The following NDUFA10 variants were observed in gnomAD, a reference collection of about 807,000 sequenced individuals.
NDUFA10 encodes the protein NADH:ubiquinone oxidoreductase subunit A10, also known as NADH dehydrogenase [ubiquinone] 1 alpha subcomplex subunit 10, mitochondrial.
Under a neutral mutation model 47.8 loss-of-function variants are expected in NDUFA10, and 40 were observed. The ratio of observed to expected loss-of-function variants is 0.84; its 90% CI spans 0.65 to 1.09. NDUFA10 has a LOEUF of 1.09. Ranked by LOEUF, NDUFA10 falls within the 50% of genes least tolerant of loss-of-function variation. NDUFA10 has a pLI of 0.00. For synonymous variants in NDUFA10, 183 were observed against 172.2 expected, an observed-to-expected ratio of 1.06 and a Z score of -0.49; for missense variants, 413 against 451.1, an observed-to-expected ratio of 0.92 and a Z score of 0.76.
At chr2:239,993,385 G>A (rs1696331248) in intron 8 of NDUFA10, among the ~76,000 whole-genome samples, 1 of 152,192 alleles carries the variant, frequency 6.6e-6, no homozygotes, top group Admixed American at 6.5e-5. Flanking sequence ...GTTAAGGGAA[G>A]GTGTCAGGGA....
chr2:239,976,191 G>A (rs1695509585), intron 9 of NDUFA10, among the ~76,000 whole-genome samples: 1 of 152,280 alleles, frequency 6.6e-6, no homozygotes, highest in Non-Finnish European at 1.5e-5. Context: ...AATGTGCAAT[G>A]CCCTCTGACT....
rs1362175600 is a variant in NDUFA10, at chr2:239,957,720, C to G, written c.*3398G>C. On this transcript the variant is annotated 3_prime_UTR_variant, in exon 10 of 10. Coordinates refer to ENST00000252711, the MANE Select transcript of NDUFA10 (RefSeq NM_004544.4). ...CACTTTCAGTGGAACATTTATGGCT[C>G]TGAGAACAGCACCACTCTTTTGGGG... 2 of 152,202 alleles carry G rather than the reference C, an allele frequency of 1.3e-5. No homozygotes were observed. The highest frequency in any genetic ancestry group is 4.8e-5 in the African/African-American group (2 of 41,450). The allele number at this position is 152,202 out of a possible 1,614,324, so 9.4% of individuals were successfully genotyped here. A position where few individuals can be genotyped will look rare whatever the true frequency, so the allele number is the denominator to read the frequency against.
At chr2:240,015,270 A>G (rs1018848971) in intron 4 of NDUFA10, among the ~76,000 whole-genome samples, 1 of 152,258 alleles carries the variant, frequency 6.6e-6, no homozygotes, top group Non-Finnish European at 1.5e-5. Flanking sequence ...TCCTGAGGCA[A>G]GACGTAGGTC....
rs148942940 is a variant in NDUFA10 at position 239,898,354 on chromosome 2, T to C, written c.295-3040A>G. Among the ~76,000 whole-genome samples the C allele has an allele frequency of 5.4e-3, 830 of 152,346 alleles. 3 individuals carry two copies. Among genetic ancestry groups the C allele is most frequent in the Non-Finnish European group, 8.9e-3 (605 of 68,034 alleles). On this transcript the variant is annotated intron_variant, in intron 4 of 5. Transcript: ENST00000419408. ...TGCTCAGCCTGCGCCCGGGGCTGTT[T>C]GGAGGAGGCGCTGCCCCTGCCTGCC...
intron 8 of NDUFA10, among the ~76,000 whole-genome samples, chr2:239,996,234 G>C (rs1696473009): frequency 6.6e-6 from 1 of 150,540 alleles, no homozygotes. Context: ...AGCAACAGCA[G>C]AATCTACACT....
At chr2:239,894,857 T>A (rs1169212129) in intron 5 of NDUFA10, among the ~76,000 whole-genome samples, 1 of 152,144 alleles carries the variant, frequency 6.6e-6, no homozygotes, top group Non-Finnish European at 1.5e-5. Flanking sequence ...GGAGCCCTCT[T>A]CCATGATGAA....
intron 4 of NDUFA10, among the ~76,000 whole-genome samples, chr2:239,911,888 G>C (rs190735818): frequency 6.6e-6 from 1 of 152,044 alleles, no homozygotes; most frequent in African/African-American, 2.4e-5. Flanking sequence ...TCAAGGAAGT[G>C]GGGGAGGCAC....
chr2:239,976,241 T>C (rs977832124), intron 9 of NDUFA10, among the ~76,000 whole-genome samples: 4 of 152,208 alleles, frequency 2.6e-5, no homozygotes, highest in African/African-American at 9.7e-5. Flanking sequence ...TCATGCCTGC[T>C]GTAACCCCCA....
At chr2:239,916,084 A>G (rs1559278590) in intron 4 of NDUFA10, among the ~76,000 whole-genome samples, 2 of 151,500 alleles carry the variant, frequency 1.3e-5, no homozygotes, top group Non-Finnish European at 2.9e-5. Context: ...ACACAAAGAT[A>G]CAGATACACA....
chr2:240,009,051 G>A (rs1697046829), intron 6 of NDUFA10, among the ~76,000 whole-genome samples: 1 of 152,184 alleles, frequency 6.6e-6, no homozygotes, highest in Non-Finnish European at 1.5e-5. Context: ...AACCTCAATG[G>A]TGGTTATTCC....
At chr2:239,954,579 C>A (rs950416829), downstream of NDUFA10, among the ~76,000 whole-genome samples, 6 of 152,212 alleles carry the variant, frequency 3.9e-5, no homozygotes, top group African/African-American at 9.7e-5. Flanking sequence ...TACTGCTGAG[C>A]CTTTCACTTT....
chr2:239,994,856 G>A (rs1696402226), intron 8 of NDUFA10, among the ~76,000 whole-genome samples: 1 of 152,174 alleles, frequency 6.6e-6, no homozygotes, highest in African/African-American at 2.4e-5. Flanking sequence ...GGAACTTCCA[G>A]CTTCAGCTCC....
intron 4 of NDUFA10, among the ~76,000 whole-genome samples, chr2:239,898,943 GGGTGTGGAGGGGTGTGGCAGGGTGT>G (rs1693456860): frequency 2.2e-5 from 3 of 138,618 alleles, no homozygotes; most frequent in Admixed American, 1.4e-4. Context: ...TGTGACGGAG[GGGTGTGGAGGGGTGTGGCAGGGTGT>G]GATGAAGAGG....
At chr2:240,018,416 C>A (rs1015283660) in intron 4 of NDUFA10, 137 bp downstream of exon 4, 2 of 1,560,470 alleles carry the variant, frequency 1.3e-6, no homozygotes, top group Non-Finnish European at 8.7e-7. Context: ...CTTTTTCCAG[C>A]GGAGACCGAT....
intron 4 of NDUFA10, among the ~76,000 whole-genome samples, chr2:239,896,837 C>T (rs1320426977): frequency 2.0e-5 from 3 of 152,028 alleles, no homozygotes; most frequent in Non-Finnish European, 4.4e-5. Context: ...AAAAAAACAG[C>T]AGGGGAATAG....
intron 2 of NDUFA10, among the ~76,000 whole-genome samples, 190 bp from the exon 3 acceptor site, chr2:240,021,602 A>T (rs575936330): frequency 1.3e-5 from 2 of 152,332 alleles, no homozygotes; most frequent in South Asian, 4.1e-4. Context: ...TATACAAGCA[A>T]GCATGTGAGC....
intron 4 of NDUFA10, among the ~76,000 whole-genome samples, chr2:239,949,064 A>G (rs1694505057): frequency 6.6e-6 from 1 of 152,196 alleles, no homozygotes; most frequent in African/African-American, 2.4e-5. Flanking sequence ...AACCCCACGA[A>G]TGCAATGGAC....
chr2:240,004,129 G>A (rs1002624456), intron 8 of NDUFA10, among the ~76,000 whole-genome samples: 1 of 152,166 alleles, frequency 6.6e-6, no homozygotes, highest in Non-Finnish European at 1.5e-5. Flanking sequence ...AGCTGGTGGA[G>A]GAGTGAGAGA....
At chr2:240,001,321 C>T (rs897262196) in intron 8 of NDUFA10, among the ~76,000 whole-genome samples, 1 of 152,172 alleles carries the variant, frequency 6.6e-6, no homozygotes, top group South Asian at 2.1e-4. Flanking sequence ...GAAATGTAAA[C>T]ACATCATGCA....
Sources: gnomAD v4.1 joint callset for allele counts (sites outside exome capture counted in the v4.1 genomes callset) on GRCh38, gnomAD v4.1.1 for gene constraint, MANE v1.5 for transcripts, NCBI Gene and HGNC (gene_info 2026-07-23, HGNC 2026-07-21) for gene names.